Variants in PLXNA3 observed in about 807,000 individuals in gnomAD.
PLXNA3 encodes plexin-A3.
A neutral mutation model predicts 118.8 loss-of-function variants in PLXNA3; 52 were observed. The ratio of observed to expected loss-of-function variants is 0.44; its 90% CI spans 0.35 to 0.55. The LOEUF is 0.55. PLXNA3 is among the 20% of genes least tolerant of loss of function. The pLI is 0.01. For missense variants in PLXNA3, 1,660 were observed against 1,730.8 expected (o/e 0.96, Z 0.73); for synonymous variants, 925 against 762.4 (o/e 1.21, Z -3.51).
chrX:154,464,863 C>G lies in PLXNA3; in HGVS notation c.2038C>G (p.Pro680Ala). ...CSFQEGRVHS[P>A]EGCPEILPSG... ...CTTCCAGGAGGGCAGGGTCCACAGC[C>G]CTGAGGTGAGGCGGGCGCCGCATGT... Residue 680 changes from proline to alanine, a missense_variant, in exon 10 of 33, where the codon CCT (proline) becomes GCT (alanine). Coordinates refer to ENST00000369682, the MANE Select transcript of PLXNA3 (RefSeq NM_017514.5). The G allele has an allele frequency of 1.7e-6, 2 of 1,188,603 alleles. No homozygotes were observed. The highest frequency in any genetic ancestry group is 2.3e-6 in the Non-Finnish European group (2 of 878,734).
Position 154,463,480 on chromosome X carries a change from C to A in PLXNA3, c.1407C>A (p.Ser469Arg), listed in dbSNP as rs781865019. Residue 469 changes from serine (S) to arginine (R), a missense_variant, in exon 5 of 33, where the codon AGC (serine) becomes AGA (arginine). By Grantham distance (110) the Ser-to-Arg change is moderately radical. Coordinates refer to ENST00000369682, the MANE Select transcript of PLXNA3 (RefSeq NM_017514.5). ...CCATCCTCCGAGACCTGCTCTTCAG[C>A]CCGGACCACCGGCACATCTATCTCC... is the stretch of plus-strand genomic sequence containing the variant. ...GSPILRDLLF[S>R]PDHRHIYLLS... 1 of 1,208,496 alleles carries A rather than the reference C, an allele frequency of 8.3e-7. No individual in the cohort carries two copies.
intron 6 of PLXNA3, 32 bp from the exon 7 acceptor site, chrX:154,463,919 G>A: frequency 8.7e-7 from 1 of 1,149,270 alleles, no homozygotes; most frequent in Non-Finnish European, 1.2e-6. Flanking sequence ...CCGGGGCAGT[G>A]GCGGGACCGG....
At position 154,464,252 on chromosome X, in the gene PLXNA3, C is replaced by T. The variant is rs150039641; in HGVS notation, c.1767C>T (p.Ser589=). The T allele has an allele frequency of 3.3e-5, 40 of 1,207,231 alleles. No homozygotes were observed. The highest frequency in any genetic ancestry group is 7.0e-5 in the African/African-American group (4 of 57,537). ...AAENEAVLLP[S]GELLCPSPSL... ...AGAACGAGGCGGTCCTGCTGCCCTCCGGTGAACTGCTCTGCCCCTCACCCT... is the reference window on the plus strand; with the variant it reads ...AGAACGAGGCGGTCCTGCTGCCCTCTGGTGAACTGCTCTGCCCCTCACCCT... Residue 589 remains serine (S), a synonymous_variant, in exon 8 of 33, where the codon TCC becomes TCT. Coordinates refer to ENST00000369682, the MANE Select transcript of PLXNA3 (RefSeq NM_017514.5).
chrX:154,468,026 G>A, intron 21 of PLXNA3, 25 bp downstream of exon 21: 1 of 1,200,108 alleles, frequency 8.3e-7, no homozygotes, highest in Non-Finnish European at 1.1e-6. Context: ...GCGGGATGTG[G>A]TGTGGAAGCT....
rs782575199 is a variant in PLXNA3, at chrX:154,461,761, C to T, written c.1134+123C>T. ...CATGGCCCTGGGAGTGGCACCTTTG[C>T]CCTCCCACCTGTTTCTCCCTCCCAG... is the stretch of plus-strand genomic sequence containing the variant. On this transcript the variant is annotated intron_variant, in intron 3 of 32. Transcript: ENST00000369682. 17 of 686,172 alleles carry T rather than the reference C, an allele frequency of 2.5e-5. No individual in the cohort carries two copies. In the East Asian group the frequency reaches 5.6e-4, roughly 23 times the overall value. 56.5% of individuals were successfully genotyped at this position (686,172 alleles called of 1,213,427 possible).
chrX:154,467,494 G>GGT, intron 19 of PLXNA3, 23 bp downstream of exon 19: 1 of 954,694 alleles, frequency 1.0e-6, no homozygotes, highest in Non-Finnish European at 1.5e-6. Flanking sequence ...TGGGGGCGGG[G>GGT]AGGGGCGGGA....
rs782782835 is a variant in PLXNA3 at position 154,466,012 on chromosome X, A to C, written c.2610A>C (p.Arg870=). Residue 870 remains arginine, a synonymous_variant, in exon 14 of 33, where the codon CGA becomes CGC. Transcript: ENST00000369682. ...GTGAGAACCTGGGCCTCTTGTCCCGAGAGGTGGGCCTGCGGGTGGCTGGCG... is the reference window on the plus strand; with the variant it reads ...GTGAGAACCTGGGCCTCTTGTCCCGCGAGGTGGGCCTGCGGGTGGCTGGCG... The part of the protein sequence containing the change: ...IVGENLGLLS[R]EVGLRVAGVR... 6.6e-6 allele frequency: 8 copies of C among 1,209,422 alleles called. No homozygotes were observed. The highest frequency in any genetic ancestry group is 8.9e-6 in the Non-Finnish European group (8 of 894,662).
chrX:154,460,660 C>T lies in PLXNA3; in HGVS notation c.477C>T (p.Gly159=), dbSNP rs1557203648. The change falls in exon 2 of 33, where the codon GGC becomes GGT. Residue 159 remains glycine, a synonymous_variant. Transcript: ENST00000369682. ...TGGCTGGTGTCATTGTGGAGCAGGGCCAGGGGCCCAGCAAGCTGTTTGTGG... is the reference window on the plus strand; with the variant it reads ...TGGCTGGTGTCATTGTGGAGCAGGGTCAGGGGCCCAGCAAGCTGTTTGTGG... The part of the protein sequence containing the change: ...DSMAGVIVEQ[G]QGPSKLFVGT... 1.7e-6 allele frequency: 2 copies of T among 1,167,289 alleles called. No individual in the cohort carries two copies. Among genetic ancestry groups the T allele is most frequent in the South Asian group, 2.0e-5 (1 of 50,723 alleles).
At position 154,465,997 on chromosome X, in the gene PLXNA3, G is replaced by A. The variant is rs782062568; in HGVS notation, c.2595G>A (p.Leu865=). The change falls in exon 14 of 33, where the codon CTG becomes CTA. Residue 865 remains leucine (L), a synonymous_variant. Coordinates refer to ENST00000369682, the MANE Select transcript of PLXNA3 (RefSeq NM_017514.5). ...GTRVTIVGEN[L]GLLSREVGLR... Reference sequence around the variant, plus strand: ...GGGTCACCATCGTGGGTGAGAACCTGGGCCTCTTGTCCCGAGAGGTGGGCC... The same window carrying A: ...GGGTCACCATCGTGGGTGAGAACCTAGGCCTCTTGTCCCGAGAGGTGGGCC... The A allele has an allele frequency of 1.3e-5, 16 of 1,211,207 alleles. No individual in the cohort carries two copies. The East Asian group carries it at 4.1e-4, about 31-fold the overall frequency.
At chrX:154,470,825 G>A (rs1603394926) in intron 30 of PLXNA3, 6 of 451,886 alleles carry the variant, frequency 1.3e-5, no homozygotes, top group Non-Finnish European at 2.3e-5. Flanking sequence ...TGGTGGTGGT[G>A]AGGCCTTTGC....
In PLXNA3 at chrX:154,462,265, G is replaced by A. The variant is rs1341118711; in HGVS notation, c.1272G>A (p.Gln424=). 7 of 1,178,494 alleles carry A rather than the reference G, an allele frequency of 5.9e-6. No individual in the cohort carries two copies. The highest frequency in any genetic ancestry group is 2.5e-5 in the Admixed American group (1 of 40,735). Residue 424 remains glutamine (Q), a synonymous_variant, in exon 4 of 33, where the codon CAG becomes CAA. Transcript: ENST00000369682. The part of the protein sequence containing the change: ...MASVAAYTYR[Q]HSVVFIGTRS... Reference sequence around the variant, plus strand: ...GCGTGGCCGCCTACACCTACCGCCAGCACTCTGTGGTCTTCATTGGCACGC... The same window carrying A: ...GCGTGGCCGCCTACACCTACCGCCAACACTCTGTGGTCTTCATTGGCACGC...
At position 154,470,581 on chromosome X, in the gene PLXNA3, C is replaced by G; in HGVS notation, c.5126C>G (p.Pro1709Arg). Residue 1709 changes from proline to arginine, a missense_variant, in exon 30 of 33, where the codon CCC (proline) becomes CGC (arginine). Physicochemically the swap from Pro to Arg is moderately radical, Grantham distance 103. Around this residue, in one of 2 missense-constraint regions of PLXNA3, gnomAD observed 869 missense variants for 1,078.7 expected, o/e 0.81. Transcript: ENST00000369682. ...EQADQRQISD[P>R]DVRHTWKSNC... ...GCGGACCAGCGCCAGATCAGCGACC[C>G]CGATGTGCGCCACACCTGGAAGAGC... The G allele has an allele frequency of 8.3e-7, 1 of 1,211,103 alleles. No homozygotes were observed. The highest frequency in any genetic ancestry group is 1.1e-6 in the Non-Finnish European group (1 of 895,129).
chrX:154,460,452 T>A lies in PLXNA3; in HGVS notation c.269T>A (p.Leu90Gln), dbSNP rs1557203416. The change falls in exon 2 of 33, where the codon CTG becomes CAG. Residue 90 changes from leucine (L) to glutamine (Q), a missense_variant. Leu to Gln is a moderately radical substitution (Grantham distance 113, BLOSUM62 -2). Around this residue, in one of 2 missense-constraint regions of PLXNA3, gnomAD observed 791 missense variants for 652.1 expected, o/e 1.21. Coordinates refer to ENST00000369682, the MANE Select transcript of PLXNA3 (RefSeq NM_017514.5). Reference sequence around the variant, plus strand: ...AGCATGCGCGTGTGTGCCCACCGCCTGGCCCCCGTGGACAACATCAACAAG... The same window carrying A: ...AGCATGCGCGTGTGTGCCCACCGCCAGGCCCCCGTGGACAACATCAACAAG... ...PPSMRVCAHR[L>Q]APVDNINKLL... 3.3e-6 allele frequency: 4 copies of A among 1,203,599 alleles called. No homozygotes were observed. In the Admixed American group the frequency reaches 8.8e-5, roughly 26 times the overall value.
In PLXNA3 at chrX:154,464,309, G is replaced by C. The variant is rs782615858; in HGVS notation, c.1824G>C (p.Gly608=). The change falls in exon 8 of 33, where the codon GGG becomes GGC. Residue 608 remains glycine (G), a synonymous_variant. Transcript: ENST00000369682. ...SLQELRALTR[G]HGATRTVRLQ... ...AGGAGCTCCGAGCTCTTACCAGGGG[G>C]CATGGTCAGTGGGTTGGGGCTGCCC... 4 of 1,205,939 alleles carry C rather than the reference G, an allele frequency of 3.3e-6. No homozygotes were observed. The highest frequency in any genetic ancestry group is 1.8e-5 in the South Asian group (1 of 56,743).
rs781797491 is a variant in PLXNA3, at chrX:154,472,606, A to G, written c.5537A>G (p.Asp1846Gly). Residue 1846 changes from aspartate (D) to glycine (G), a missense_variant, in exon 33 of 33, where the codon GAC (aspartate) becomes GGC (glycine). This residue lies in a region of PLXNA3 where 869 missense variants were observed against 1,078.7 expected (regional missense o/e 0.81). Transcript: ENST00000369682. Reference protein sequence around the residue: ...KYRQEILTALDRDASCRKHKL... With the variant: ...KYRQEILTALGRDASCRKHKL... ...CTCCCCCAGATTCTCACGGCTCTGG[A>G]CCGAGATGCCTCTTGTCGGAAGCAT... 9.1e-6 allele frequency: 11 copies of G among 1,205,333 alleles called. No homozygotes were observed. The highest frequency in any genetic ancestry group is 1.8e-5 in the African/African-American group (1 of 57,022).
Position 154,461,280 on chromosome X carries a change from C to T in PLXNA3, c.776C>T (p.Thr259Met), listed in dbSNP as rs370210706. ...LLDTAGEKFF[T>M]SKIVRMCAGD... ...GACACAGCGGGCGAGAAATTTTTCA[C>T]GTCCAAGATCGTGCGCATGTGCGCG... Residue 259 changes from threonine to methionine, a missense_variant, in exon 3 of 33, where the codon ACG (threonine) becomes ATG (methionine). This residue lies in a region of PLXNA3 where 791 missense variants were observed against 652.1 expected (regional missense o/e 1.21). Coordinates refer to ENST00000369682, the MANE Select transcript of PLXNA3 (RefSeq NM_017514.5). The T allele has an allele frequency of 3.1e-5, 38 of 1,211,513 alleles. No individual in the cohort carries two copies. The highest frequency in any genetic ancestry group is 8.8e-5 in the South Asian group (5 of 57,001).
chrX:154,466,907 G>C, intron 17 of PLXNA3, 114 bp downstream of exon 17: 1 of 859,543 alleles, frequency 1.2e-6, no homozygotes, highest in Non-Finnish European at 1.6e-6. Flanking sequence ...TGGTGGAGGG[G>C]GTGGAGCTGT....
Position 154,463,622 on chromosome X carries a change from G to A in PLXNA3, c.1479G>A (p.Gln493=). The change falls in exon 6 of 33, where the codon CAG becomes CAA. Residue 493 remains glutamine, a synonymous_variant. Coordinates refer to ENST00000369682, the MANE Select transcript of PLXNA3 (RefSeq NM_017514.5). ...VSQLPVETCE[Q]YQSCAACLGS... ...AGCTCCCGGTGGAGACCTGTGAGCA[G>A]TACCAGAGCTGCGCAGCCTGCCTGG... is the stretch of plus-strand genomic sequence containing the variant. 8.3e-7 allele frequency: 1 copy of A among 1,205,042 alleles called. No homozygotes were observed. Among genetic ancestry groups the A allele is most frequent in the East Asian group, 3.0e-5 (1 of 33,732 alleles).
intron 32 of PLXNA3, among the ~76,000 whole-genome samples, chrX:154,472,332 A>G (rs2069194006): frequency 9.1e-6 from 1 of 110,495 alleles, no homozygotes; most frequent in Non-Finnish European, 1.9e-5. Flanking sequence ...GGGAGGGGGA[A>G]TCCAGCACGG....
Sources: allele counts gnomAD v4.1 joint callset (sites outside exome capture counted in the v4.1 genomes callset), GRCh38; gene constraint gnomAD v4.1.1; regional missense constraint gnomAD v4.1.1; transcripts MANE v1.5; gene names NCBI Gene and HGNC (gene_info 2026-07-23, HGNC 2026-07-21).